WFDC11: variants seen among roughly 807,000 people sequenced by gnomAD.
WFDC11 encodes protein WFDC11.
In WFDC11, 9 loss-of-function variants were observed where a neutral mutation model predicts 9.9. That is an observed-to-expected ratio of 0.91 (90% CI 0.55 to 1.58). The LOEUF (loss-of-function observed/expected upper bound fraction) is 1.58. Among genes scored for constraint, WFDC11 ranks in the 40% most tolerant of loss-of-function variants. The probability of loss-of-function intolerance (pLI) is 0.00; values close to 1 mark genes in which losing one functional copy is unlikely to be tolerated. For synonymous variants in WFDC11, 32 were observed against 33.3 expected, an observed-to-expected ratio of 0.96 and a Z score of 0.13; for missense variants, 106 against 101.7, an observed-to-expected ratio of 1.04 and a Z score of -0.18.
chr20:45,663,443 C>G (rs1045565336), intron 2 of WFDC11, among the ~76,000 whole-genome samples: 9 of 152,062 alleles, frequency 5.9e-5, no homozygotes, highest in African/African-American at 2.2e-4. Context: ...CTTCTCTGAT[C>G]TTAGTTATTT....
At chr20:45,658,242 T>A (rs1982978095) in intron 2 of WFDC11, among the ~76,000 whole-genome samples, 1 of 152,126 alleles carries the variant, frequency 6.6e-6, no homozygotes, top group Non-Finnish European at 1.5e-5. Flanking sequence ...AAATAAGACC[T>A]ATCATCTTAA....
intron 2 of WFDC11, among the ~76,000 whole-genome samples, chr20:45,665,609 T>G (rs1302082916): frequency 6.6e-6 from 1 of 152,226 alleles, no homozygotes; most frequent in Non-Finnish European, 1.5e-5. Flanking sequence ...TTGGTGTAGA[T>G]GTCCTTTTTG....
intron 2 of WFDC11, among the ~76,000 whole-genome samples, chr20:45,653,886 C>T (rs1300261069): frequency 6.6e-6 from 1 of 152,156 alleles, no homozygotes; most frequent in Non-Finnish European, 1.5e-5. Context: ...GCTAACTATC[C>T]TAAATATATA....
chr20:45,659,494 G>A (rs970396176), intron 2 of WFDC11, among the ~76,000 whole-genome samples: 1 of 152,158 alleles, frequency 6.6e-6, no homozygotes, highest in Non-Finnish European at 1.5e-5. Context: ...ATGTTTGTTG[G>A]CTGCATAAAC....
chr20:45,666,793 C>T (rs995318007), intron 2 of WFDC11, among the ~76,000 whole-genome samples: 2 of 152,084 alleles, frequency 1.3e-5, no homozygotes, highest in African/African-American at 2.4e-5. Flanking sequence ...TGGGGTTTAT[C>T]TGAGATTTTC....
intron 2 of WFDC11, among the ~76,000 whole-genome samples, chr20:45,651,882 C>T (rs906891090): frequency 2.6e-5 from 4 of 152,194 alleles, no homozygotes; most frequent in African/African-American, 9.6e-5. Flanking sequence ...GGCAGCGAGG[C>T]TGGGGGAGGG....
intron 2 of WFDC11, among the ~76,000 whole-genome samples, chr20:45,658,939 T>A (rs1215291491): frequency 6.7e-6 from 1 of 148,196 alleles, no homozygotes; most frequent in Admixed American, 6.8e-5. Context: ...ATTGTTGAAC[T>A]TCCACTTATG....
At position 45,670,190 on chromosome 20, in the gene WFDC11, G is replaced by A. The variant is rs970038457; in HGVS notation, c.-146C>T. 6.6e-6 allele frequency: 1 copy of A among 151,684 alleles called. No homozygotes were observed. The highest frequency in any genetic ancestry group is 1.5e-5 in the Non-Finnish European group (1 of 67,934). The allele number at this position is 151,684 out of a possible 1,614,324, so 9.4% of individuals were successfully genotyped here. A position where few individuals can be genotyped will look rare whatever the true frequency, so the allele number is the denominator to read the frequency against. On this transcript the variant is annotated 5_prime_UTR_variant, in exon 1 of 5. Coordinates refer to ENST00000324384, the MANE Select transcript of WFDC11 (RefSeq NM_147197.2). ...AAAAAAAACTTACCAACCAGAAAAG[G>A]CCCTGGACCAGATGGATTCACAGCC... is the stretch of plus-strand genomic sequence containing the variant.
At position 45,650,549 on chromosome 20, in the gene WFDC11, T is replaced by A. The variant is rs1199428373; in HGVS notation, c.52A>T (p.Thr18Ser). Reference sequence around the variant, plus strand: ...TCTCCCAGCACAGACAGTAGCACCGTACAGAAGAATGTCATGAGCATGGGT... The same window carrying A: ...TCTCCCAGCACAGACAGTAGCACCGAACAGAAGAATGTCATGAGCATGGGT... ...WIPMLMTFFC[T>S]VLLSVLGEMR... is the part of the protein sequence containing the mutation. Residue 18 changes from threonine to serine, a missense_variant, in exon 3 of 5, where the codon ACG becomes TCG. Coordinates refer to ENST00000324384, the MANE Select transcript of WFDC11 (RefSeq NM_147197.2). The A allele has an allele frequency of 1.9e-6, 3 of 1,614,028 alleles. No homozygotes were observed. The highest frequency in any genetic ancestry group is 2.5e-6 in the Non-Finnish European group (3 of 1,180,040).
chr20:45,648,990 T>C (rs1292252665), intron 4 of WFDC11, among the ~76,000 whole-genome samples: 1 of 152,058 alleles, frequency 6.6e-6, no homozygotes, highest in African/African-American at 2.4e-5. Context: ...TCTGGACAAA[T>C]TTAGGAAAAA....
At chr20:45,657,134 G>T (rs1006047751) in intron 2 of WFDC11, among the ~76,000 whole-genome samples, 3 of 152,102 alleles carry the variant, frequency 2.0e-5, no homozygotes, top group Non-Finnish European at 4.4e-5. Context: ...ACATGCACAC[G>T]TATGTTTATT....
In WFDC11 at chr20:45,662,912, T is replaced by A. The variant is rs566265710; in HGVS notation, c.-52+4176A>T. On this transcript the variant is annotated intron_variant, in intron 2 of 4. Transcript: ENST00000324384. ...TTGTAGTGTCTCTGCCAGCCTTTGGTATCAGGATGATGCTGGCCTCATAAA... is the reference window on the plus strand; with the variant it reads ...TTGTAGTGTCTCTGCCAGCCTTTGGAATCAGGATGATGCTGGCCTCATAAA... Among the ~76,000 whole-genome samples the A allele has an allele frequency of 3.9e-5, 6 of 152,344 alleles. No homozygotes were observed. In the South Asian group the frequency reaches 1.2e-3, roughly 32 times the overall value.
intron 3 of WFDC11, 58 bp from the exon 4 acceptor site, chr20:45,649,457 G>C: frequency 6.3e-7 from 1 of 1,588,502 alleles, no homozygotes; most frequent in Non-Finnish European, 8.6e-7. Context: ...AGAGCGGAAA[G>C]AAAGGCCTTT....
chr20:45,665,410 A>G (rs2145624140), intron 2 of WFDC11, among the ~76,000 whole-genome samples: 1 of 152,168 alleles, frequency 6.6e-6, no homozygotes, highest in East Asian at 1.9e-4. Context: ...TCTGAAGCCT[A>G]CTTCTGTCAA....
intron 2 of WFDC11, among the ~76,000 whole-genome samples, chr20:45,654,810 G>C (rs1390516950): frequency 6.6e-6 from 1 of 152,136 alleles, no homozygotes; most frequent in Non-Finnish European, 1.5e-5. Flanking sequence ...ACACCTCTAT[G>C]CAAGTAAACT....
chr20:45,660,202 T>C (rs993202378), intron 2 of WFDC11, among the ~76,000 whole-genome samples: 1 of 152,184 alleles, frequency 6.6e-6, no homozygotes, highest in Admixed American at 6.6e-5. Flanking sequence ...CCAGAGGTTT[T>C]GATAGGTTGT....
At chr20:45,656,266 C>T (rs1982929425) in intron 2 of WFDC11, among the ~76,000 whole-genome samples, 1 of 151,970 alleles carries the variant, frequency 6.6e-6, no homozygotes, top group South Asian at 2.1e-4. Context: ...GAACAGAGGG[C>T]TCAGAAATAA....
chr20:45,661,566 C>A (rs1246199413), intron 2 of WFDC11, among the ~76,000 whole-genome samples: 84 of 152,288 alleles, frequency 5.5e-4, no homozygotes, highest in Non-Finnish European at 1.0e-4. Flanking sequence ...ACGTTTAAGT[C>A]TTTAATCCAT....
At chr20:45,654,284 A>C (rs1600937297) in intron 2 of WFDC11, among the ~76,000 whole-genome samples, 1 of 152,228 alleles carries the variant, frequency 6.6e-6, no homozygotes, top group Admixed American at 6.5e-5. Flanking sequence ...AACTCACTCA[A>C]AACCACTCAA....
Sources: gnomAD v4.1 joint callset for allele counts (sites outside exome capture counted in the v4.1 genomes callset) on GRCh38, gnomAD v4.1.1 for gene constraint, MANE v1.5 for transcripts, NCBI Gene and HGNC (gene_info 2026-07-23, HGNC 2026-07-21) for gene names.